The following SLC1A7 variants were observed in gnomAD, a reference collection of about 807,000 sequenced individuals.
The protein encoded by SLC1A7 is excitatory amino acid transporter 5.
Under a neutral mutation model 47.7 loss-of-function variants are expected in SLC1A7, and 40 were observed. That is an observed-to-expected ratio of 0.84 (90% CI 0.65 to 1.09). The LOEUF is 1.09. Among genes scored for constraint, SLC1A7 ranks in the 50% least tolerant of loss-of-function variants. The probability of loss-of-function intolerance (pLI) is 0.00; values close to 1 mark genes in which losing one functional copy is unlikely to be tolerated. For missense variants in SLC1A7, 746 were observed against 769.5 expected (o/e 0.97, Z 0.36); for synonymous variants, 323 against 325.6 (o/e 0.99, Z 0.09).
intron 3 of SLC1A7, among the ~76,000 whole-genome samples, chr1:53,112,877 G>A (rs1484311673): frequency 6.6e-6 from 1 of 152,160 alleles, no homozygotes; most frequent in African/African-American, 2.4e-5. Flanking sequence ...AGAGAGAAGA[G>A]GGGCTCCAGA....
At chr1:53,106,543 T>C (rs1461144158) in intron 3 of SLC1A7, among the ~76,000 whole-genome samples, 1 of 148,240 alleles carries the variant, frequency 6.7e-6, no homozygotes, top group Non-Finnish European at 1.5e-5. Context: ...GAGCTTGCAG[T>C]GAGCCGAGAT....
In SLC1A7 at chr1:53,128,827, TG is replaced by T. The variant is rs770559468; in HGVS notation, c.215+5522del. 3.1e-4 allele frequency among the ~76,000 whole-genome samples: 44 copies of T among 142,384 alleles called. 7 individuals carry two copies. The highest frequency in any genetic ancestry group is 6.8e-4 in the Non-Finnish European group (44 of 64,286). 93.4% of individuals were successfully genotyped at this position (142,384 alleles called of 152,430 possible). A position where few individuals can be genotyped will look rare whatever the true frequency, so the allele number is the denominator to read the frequency against. The stretch of plus-strand genomic sequence containing the variant: ...AGCAGTGACAGAGGTGGCCACGGGC[TG>T]GGGGAGCATTCATGACACATCTGAG... On this transcript the variant is annotated intron_variant, in intron 2 of 10. Transcript: ENST00000371494.
At chr1:53,094,857 C>T (rs1051041644) in intron 5 of SLC1A7, among the ~76,000 whole-genome samples, 1 of 152,216 alleles carries the variant, frequency 6.6e-6, no homozygotes, top group Non-Finnish European at 1.5e-5. Flanking sequence ...TAGTGTGGCA[C>T]GGGGGCTCCC....
chr1:53,118,455 G>A (rs1644785975), intron 2 of SLC1A7: 1 of 152,190 alleles, frequency 6.6e-6, no homozygotes, highest in African/African-American at 2.4e-5. Context: ...AGCAGCCTCA[G>A]AAGCCATCAT....
intron 3 of SLC1A7, among the ~76,000 whole-genome samples, chr1:53,109,221 C>T (rs1405361996): frequency 2.0e-5 from 3 of 152,048 alleles, no homozygotes; most frequent in African/African-American, 7.2e-5. Flanking sequence ...CCAAACCAAG[C>T]CCTAAAGGTG....
chr1:53,134,245 G>A, intron 2 of SLC1A7, 105 bp downstream of exon 2: 2 of 748,604 alleles, frequency 2.7e-6, no homozygotes, highest in South Asian at 3.4e-5. Flanking sequence ...CTCATCCCAG[G>A]GCCTGTGGTT....
intron 1 of SLC1A7, among the ~76,000 whole-genome samples, chr1:53,136,703 G>GT (rs1388605698): frequency 8.5e-6 from 1 of 117,016 alleles, no homozygotes; most frequent in East Asian, 2.5e-4. Flanking sequence ...GTCTCATTCT[G>GT]TTACCCAGGC....
At chr1:53,121,270 A>G (rs944597056) in intron 2 of SLC1A7, among the ~76,000 whole-genome samples, 7 of 152,100 alleles carry the variant, frequency 4.6e-5, no homozygotes, top group African/African-American at 1.4e-4. Context: ...AGACGTGAAA[A>G]GGACGACTTG....
At chr1:53,141,558 C>A (rs1465938804) in intron 1 of SLC1A7, among the ~76,000 whole-genome samples, 1 of 152,054 alleles carries the variant, frequency 6.6e-6, no homozygotes, top group Admixed American at 6.5e-5. Context: ...TCCCAGGAAA[C>A]GCAGCTTCTT....
chr1:53,139,374 C>G (rs1248125208), intron 1 of SLC1A7, among the ~76,000 whole-genome samples: 2 of 152,236 alleles, frequency 1.3e-5, no homozygotes, highest in Non-Finnish European at 1.5e-5. Context: ...CCCACTCAGA[C>G]AAGGATGTCT....
intron 2 of SLC1A7, among the ~76,000 whole-genome samples, chr1:53,126,195 ACT>A (rs1185591699): frequency 6.6e-6 from 1 of 152,068 alleles, no homozygotes; most frequent in East Asian, 1.9e-4. Context: ...GGCCCTAGAA[ACT>A]CTCTGGCTTC....
intron 2 of SLC1A7, among the ~76,000 whole-genome samples, chr1:53,130,303 T>C (rs1286740310): frequency 1.3e-5 from 2 of 152,034 alleles, no homozygotes; most frequent in African/African-American, 4.8e-5. Flanking sequence ...AGTGTGGAGA[T>C]AGACCCTTGT....
At position 53,114,888 on chromosome 1, in the gene SLC1A7, A is replaced by T. The variant is rs1184462502; in HGVS notation, c.301T>A (p.Phe101Ile). Reference sequence around the variant, plus strand: ...AAGATGCCCACGATGACAGCCATGAAGGTGGTCCACAGGTAGTACGCCACG... The same window carrying T: ...AAGATGCCCACGATGACAGCCATGATGGTGGTCCACAGGTAGTACGCCACG... ...LTVAYYLWTTFMAVIVGIFMV... is the reference protein window; with the variant it reads ...LTVAYYLWTTIMAVIVGIFMV... Residue 101 changes from phenylalanine (F) to isoleucine (I), a missense_variant, in exon 3 of 11, where the codon TTC becomes ATC. Coordinates refer to ENST00000371494, the MANE Select transcript of SLC1A7 (RefSeq NM_006671.6). The T allele has an allele frequency of 6.2e-7, 1 of 1,614,176 alleles. No individual in the cohort carries two copies. Among genetic ancestry groups the T allele is most frequent in the Non-Finnish European group, 8.5e-7 (1 of 1,180,014 alleles).
chr1:53,090,402 G>T, intron 8 of SLC1A7: 1 of 763,230 alleles, frequency 1.3e-6, no homozygotes, highest in Non-Finnish European at 2.0e-6. Context: ...CCTGAGTCCT[G>T]TCCCTGGCCT....
At chr1:53,123,221 C>T (rs544972099) in intron 2 of SLC1A7, among the ~76,000 whole-genome samples, 1 of 152,304 alleles carries the variant, frequency 6.6e-6, no homozygotes, top group South Asian at 2.1e-4. Flanking sequence ...GAACTGAATC[C>T]CCCACCCCTT....
intron 2 of SLC1A7, among the ~76,000 whole-genome samples, chr1:53,117,842 G>T (rs1202619726): frequency 6.6e-6 from 1 of 152,228 alleles, no homozygotes; most frequent in East Asian, 1.9e-4. Context: ...GAGCAAGAGG[G>T]ATCCCTGACC....
chr1:53,122,370 C>A lies in SLC1A7; in HGVS notation c.216-7397G>T, dbSNP rs536198739. Reference sequence around the variant, plus strand: ...GGCTGACCTAGCCACAGAGGCTCTCCCCAGCTGGCCCTGGGATGCAGCTGC... The same window carrying A: ...GGCTGACCTAGCCACAGAGGCTCTCACCAGCTGGCCCTGGGATGCAGCTGC... On this transcript the variant is annotated intron_variant, in intron 2 of 10. Transcript: ENST00000371494. 4.6e-5 allele frequency among the ~76,000 whole-genome samples: 7 copies of A among 152,330 alleles called. No individual in the cohort carries two copies. In the East Asian group the frequency reaches 1.4e-3, roughly 29 times the overall value.
intron 4 of SLC1A7, among the ~76,000 whole-genome samples, chr1:53,104,087 C>T (rs1644613540): frequency 6.6e-6 from 1 of 152,210 alleles, no homozygotes; most frequent in African/African-American, 2.4e-5. Context: ...GCCCCCAGAG[C>T]ATTCATGGGT....
At chr1:53,120,170 AG>A (rs1329024704) in intron 2 of SLC1A7, among the ~76,000 whole-genome samples, 1 of 152,116 alleles carries the variant, frequency 6.6e-6, no homozygotes, top group South Asian at 2.1e-4. Flanking sequence ...AAAGACTGCC[AG>A]GCTCCCGGTG....
Sources: allele counts gnomAD v4.1 joint callset (sites outside exome capture counted in the v4.1 genomes callset), GRCh38; gene constraint gnomAD v4.1.1; transcripts MANE v1.5; gene names NCBI Gene and HGNC (gene_info 2026-07-23, HGNC 2026-07-21).